Variants in ZBTB38 observed in about 807,000 individuals in gnomAD.
The protein encoded by ZBTB38 is zinc finger and BTB domain containing 38, also known as zinc finger and BTB domain-containing protein 38.
Under a neutral mutation model 76.8 loss-of-function variants are expected in ZBTB38, and 20 were observed. That is an observed-to-expected ratio of 0.26 (90% CI 0.18 to 0.38). ZBTB38 has a LOEUF of 0.38. Among genes scored for constraint, ZBTB38 ranks in the 10% least tolerant of loss-of-function variants. The probability of loss-of-function intolerance (pLI) is 1.00; values close to 1 mark genes in which losing one functional copy is unlikely to be tolerated. For synonymous variants in ZBTB38, 504 were observed against 544.2 expected (o/e 0.93, Z 1.03); for missense variants, 1,082 against 1,482.3 (o/e 0.73, Z 4.43).
rs2081343993 is a variant in ZBTB38, at chr3:141,449,500, T to C, written c.*3524T>C. On this transcript the variant is annotated 3_prime_UTR_variant, in exon 6 of 6. Transcript: ENST00000321464. ...GTCGTCACAGACTCTACTCCTAAAC[T>C]TAGCTAACTAACTATCTTGCAAATG... is the stretch of plus-strand genomic sequence containing the variant. 1 of 152,202 alleles carries C rather than the reference T, an allele frequency of 6.6e-6. No individual in the cohort carries two copies. Among genetic ancestry groups the C allele is most frequent in the African/African-American group, 2.4e-5 (1 of 41,444 alleles). The allele number at this position is 152,202 out of a possible 1,614,324, so 9.4% of individuals were successfully genotyped here.
chr3:141,334,474 TTC>T (rs1942957616), intron 1 of ZBTB38, among the ~76,000 whole-genome samples: 1 of 149,278 alleles, frequency 6.7e-6, no homozygotes, highest in Admixed American at 6.7e-5. Context: ...CCTTCCTTCC[TTC>T]TTTCCTTTCT....
intron 5 of ZBTB38, among the ~76,000 whole-genome samples, chr3:141,426,449 T>G (rs2076405061): frequency 6.6e-6 from 1 of 152,192 alleles, no homozygotes; most frequent in Non-Finnish European, 1.5e-5. Context: ...ATGCAGAGCA[T>G]CTACAGTTTC....
chr3:141,415,887 G>A lies in ZBTB38; in HGVS notation c.-1+11856G>A, dbSNP rs535321320. The stretch of plus-strand genomic sequence containing the variant: ...CTGGCCTTGGAAACCCTGTTGCCAA[G>A]CAGGGAAGGTCCTATTTTAGGGGAC... On this transcript the variant is annotated intron_variant, in intron 5 of 5. Coordinates refer to ENST00000321464, the MANE Select transcript of ZBTB38 (RefSeq NM_001376113.1). 3.0e-4 allele frequency among the ~76,000 whole-genome samples: 46 copies of A among 152,306 alleles called. No homozygotes were observed. The South Asian group carries it at 9.3e-3, about 31-fold the overall frequency.
intron 5 of ZBTB38, among the ~76,000 whole-genome samples, chr3:141,405,088 G>A (rs540286302): frequency 6.6e-6 from 1 of 152,166 alleles, no homozygotes; most frequent in South Asian, 2.1e-4. Context: ...TGATAGTAAG[G>A]CCTTCTCTGA....
chr3:141,434,685 C>T (rs1403711045), intron 5 of ZBTB38, among the ~76,000 whole-genome samples: 1 of 152,022 alleles, frequency 6.6e-6, no homozygotes, highest in African/African-American at 2.4e-5. Context: ...TGCTAATTTA[C>T]TAGAATTTCC....
chr3:141,370,422 G>A (rs1318262123), intron 2 of ZBTB38, among the ~76,000 whole-genome samples: 3 of 152,232 alleles, frequency 2.0e-5, no homozygotes, highest in Non-Finnish European at 4.4e-5. Context: ...CCACAGAGGA[G>A]TCTGGGAAAT....
intron 2 of ZBTB38, among the ~76,000 whole-genome samples, chr3:141,377,321 ATGAGAGACATC>A (rs1248451616): frequency 6.6e-6 from 1 of 152,266 alleles, no homozygotes; most frequent in Non-Finnish European, 1.5e-5. Context: ...AACTGGAGCA[ATGAGAGACATC>A]TGAGGTCACC....
At chr3:141,391,291 A>G (rs894708896) in intron 4 of ZBTB38, among the ~76,000 whole-genome samples, 5 of 152,246 alleles carry the variant, frequency 3.3e-5, no homozygotes, top group Admixed American at 3.3e-4. Context: ...TGTGCTGAGA[A>G]GGATCTAGTC....
chr3:141,448,660 A>G lies in ZBTB38; in HGVS notation c.*2684A>G, dbSNP rs890998894. ...CTAATTTTATTTTTAGAAATAATGG[A>G]TATAAATTTGTTTTTGCTTGATTAA... On this transcript the variant is annotated 3_prime_UTR_variant, in exon 6 of 6. Coordinates refer to ENST00000321464, the MANE Select transcript of ZBTB38 (RefSeq NM_001376113.1). 6.6e-6 allele frequency: 1 copy of G among 152,238 alleles called. No homozygotes were observed. Among genetic ancestry groups the G allele is most frequent in the South Asian group, 2.1e-4 (1 of 4,836 alleles). The allele number at this position is 152,238 out of a possible 1,614,324, so 9.4% of individuals were successfully genotyped here.
At chr3:141,400,318 A>C (rs1200657312) in intron 4 of ZBTB38, among the ~76,000 whole-genome samples, 1 of 152,190 alleles carries the variant, frequency 6.6e-6, no homozygotes, top group African/African-American at 2.4e-5. Context: ...CCACTTCTGG[A>C]GAAACATTTG....
At chr3:141,340,957 A>AAGAAAAGAAAGAAGGAAG (rs1189110305) in intron 1 of ZBTB38, among the ~76,000 whole-genome samples, 1 of 70,752 alleles carries the variant, frequency 1.4e-5, no homozygotes, top group African/African-American at 1.2e-4. Context: ...AAGGAAAGAA[A>AAGAAAAGAAAGAAGGAAG]GAAAGAAAGA....
intron 1 of ZBTB38, among the ~76,000 whole-genome samples, chr3:141,350,938 C>T (rs1326228635): frequency 6.6e-6 from 1 of 152,136 alleles, no homozygotes; most frequent in Non-Finnish European, 1.5e-5. Context: ...GAAGAAATGT[C>T]TGAAAAGGTA....
chr3:141,403,555 T>G (rs1183826388), intron 4 of ZBTB38, among the ~76,000 whole-genome samples: 1 of 152,262 alleles, frequency 6.6e-6, no homozygotes, highest in Non-Finnish European at 1.5e-5. Context: ...GTTTTCGGTT[T>G]ATATAATGTA....
intron 5 of ZBTB38, among the ~76,000 whole-genome samples, chr3:141,424,065 A>G (rs953784305): frequency 1.3e-5 from 2 of 152,202 alleles, no homozygotes; most frequent in African/African-American, 2.4e-5. Flanking sequence ...TTATTCATCA[A>G]TTTATACCCA....
chr3:141,442,515 A>G lies in ZBTB38; in HGVS notation c.127A>G (p.Lys43Glu). The change falls in exon 6 of 6, where the codon AAA becomes GAA. Residue 43 changes from lysine (K) to glutamate (E), a missense_variant. By Grantham distance (56) the Lys-to-Glu change is moderately conservative (BLOSUM62 1). Coordinates refer to ENST00000321464, the MANE Select transcript of ZBTB38 (RefSeq NM_001376113.1). The surrounding 1 kb of genome is among the most constrained non-coding windows in gnomAD (Gnocchi z 6.4). Reference sequence around the variant, plus strand: ...TGTCACTATCATTGTGGAAGATACCAAATTTAAAGCCCATAGCAATGTTCT... The same window carrying G: ...TGTCACTATCATTGTGGAAGATACCGAATTTAAAGCCCATAGCAATGTTCT... ...CDVTIIVEDT[K>E]FKAHSNVLAA... The G allele has an allele frequency of 6.2e-7, 1 of 1,614,236 alleles. No homozygotes were observed. Among genetic ancestry groups the G allele is most frequent in the Non-Finnish European group, 8.5e-7 (1 of 1,180,040 alleles).
At chr3:141,401,669 C>T (rs1366321378) in intron 4 of ZBTB38, among the ~76,000 whole-genome samples, 1 of 148,892 alleles carries the variant, frequency 6.7e-6, no homozygotes, top group Non-Finnish European at 1.5e-5. Flanking sequence ...ACACAGGGAA[C>T]ATGGACGATT....
At position 141,326,413 on chromosome 3, in the gene ZBTB38, G is replaced by A. The variant is rs1385201847; in HGVS notation, c.-739+1957G>A. Among the ~76,000 whole-genome samples, 5 of 152,190 alleles carry A rather than the reference G, an allele frequency of 3.3e-5. No homozygotes were observed. In the South Asian group the frequency reaches 6.2e-4, roughly 19 times the overall value. ...CATGGAGAGGCATGGGGGTTGCAGG[G>A]GAGCAGGGTGGGGGACAGGAAATGG... On this transcript the variant is annotated intron_variant, in intron 1 of 7. Coordinates refer to the ZBTB38 transcript ENST00000509842.
chr3:141,331,084 T>C (rs1408947041), intron 1 of ZBTB38, among the ~76,000 whole-genome samples: 2 of 152,246 alleles, frequency 1.3e-5, no homozygotes, highest in Non-Finnish European at 2.9e-5. Context: ...CTCTGTCAGC[T>C]CAAATATTAT....
intron 1 of ZBTB38, among the ~76,000 whole-genome samples, chr3:141,346,895 C>T (rs1007981916): frequency 2.0e-5 from 3 of 151,622 alleles, no homozygotes; most frequent in Non-Finnish European, 4.4e-5. Flanking sequence ...TGAAAGAAAG[C>T]ACTGTCTACT....
Sources: allele counts gnomAD v4.1 joint callset (sites outside exome capture counted in the v4.1 genomes callset), GRCh38; gene constraint gnomAD v4.1.1; non-coding constraint Gnocchi (gnomAD v3.1); transcripts MANE v1.5; gene names NCBI Gene and HGNC (gene_info 2026-07-23, HGNC 2026-07-21).